Variants in SLC8A1 observed in about 807,000 individuals in gnomAD.
SLC8A1 encodes the protein sodium/calcium exchanger 1.
Under a neutral mutation model 68.3 loss-of-function variants are expected in SLC8A1, and 18 were observed. The observed-to-expected ratio is 0.26, with a 90% CI of 0.18 to 0.39. The LOEUF (loss-of-function observed/expected upper bound fraction) is 0.39. Ranked by LOEUF, SLC8A1 falls within the 10% of genes least tolerant of loss-of-function variation. The probability of loss-of-function intolerance (pLI) is 1.00; values close to 1 mark genes in which losing one functional copy is unlikely to be tolerated. For synonymous variants in SLC8A1, 475 were observed against 415.5 expected (o/e 1.14, Z -1.74); for missense variants, 985 against 1,156.7 (o/e 0.85, Z 2.15).
Position 40,196,785 on chromosome 2 carries a change from G to T in SLC8A1, c.1809-18930C>A, listed in dbSNP as rs115755775. Reference sequence around the variant, plus strand: ...CATGAAATTTACACTTTTCCATGACGCTTTCTTAGATTGATCAGGTGTCAT... The same window carrying T: ...CATGAAATTTACACTTTTCCATGACTCTTTCTTAGATTGATCAGGTGTCAT... On this transcript the variant is annotated intron_variant, in intron 2 of 7. Transcript: ENST00000406785. Among the ~76,000 whole-genome samples the T allele has an allele frequency of 8.9e-3, 1,356 of 151,952 alleles. 6 individuals are homozygous for T. The highest frequency in any genetic ancestry group is 0.013 in the South Asian group (64 of 4,802).
intron 2 of SLC8A1, among the ~76,000 whole-genome samples, chr2:40,275,846 G>T (rs981110829): frequency 6.6e-6 from 1 of 152,154 alleles, no homozygotes; most frequent in African/African-American, 2.4e-5. Flanking sequence ...GATGGATGTT[G>T]TTGGTGAAGT....
chr2:40,210,704 A>C (rs1037322704), intron 2 of SLC8A1, among the ~76,000 whole-genome samples: 3 of 152,158 alleles, frequency 2.0e-5, no homozygotes, highest in African/African-American at 7.2e-5. Flanking sequence ...AATGCTGAGT[A>C]ATTGAAGCAC....
At position 40,388,042 on chromosome 2, in the gene SLC8A1, T is replaced by A. The variant is rs566892897; in HGVS notation, c.1808+40431A>T. 2.0e-5 allele frequency among the ~76,000 whole-genome samples: 3 copies of A among 151,736 alleles called. No individual in the cohort carries two copies. In the East Asian group the frequency reaches 5.9e-4, roughly 30 times the overall value. On this transcript the variant is annotated intron_variant, in intron 2 of 7. Transcript: ENST00000406785. ...AGCTACTTTGTATCTCAAATTGGCA[T>A]CTCTAAATTGTGACTGAAAAGTATA...
chr2:40,414,418 T>C (rs1318401384), intron 2 of SLC8A1, among the ~76,000 whole-genome samples: 3 of 152,190 alleles, frequency 2.0e-5, no homozygotes, highest in South Asian at 2.1e-4. Flanking sequence ...CAGTACACAG[T>C]GTTATTTGTA....
intron 1 of SLC8A1, among the ~76,000 whole-genome samples, chr2:40,458,037 G>A (rs140886836): frequency 6.6e-6 from 1 of 152,292 alleles, no homozygotes; most frequent in African/African-American, 2.4e-5. Context: ...TCTGGGCACT[G>A]TTTTGTTTTG....
intron 2 of SLC8A1, among the ~76,000 whole-genome samples, chr2:40,222,616 C>G (rs1229150100): frequency 6.6e-6 from 1 of 152,150 alleles, no homozygotes; most frequent in Non-Finnish European, 1.5e-5. Context: ...TAACTGCAAT[C>G]TATCCATCTG....
chr2:40,278,704 G>A (rs982566034), intron 2 of SLC8A1, among the ~76,000 whole-genome samples: 11 of 152,038 alleles, frequency 7.2e-5, no homozygotes, highest in Admixed American at 5.2e-4. Flanking sequence ...GATGGGGTAC[G>A]TGGACTTAGG....
chr2:40,296,365 C>G (rs2070383812), intron 2 of SLC8A1, among the ~76,000 whole-genome samples: 1 of 152,094 alleles, frequency 6.6e-6, no homozygotes, highest in Admixed American at 6.5e-5. Context: ...ATAAGGGATT[C>G]ATTATTTAAT....
At chr2:40,489,940 A>T (rs1705208022) in intron 1 of SLC8A1, among the ~76,000 whole-genome samples, 1 of 152,128 alleles carries the variant, frequency 6.6e-6, no homozygotes, top group African/African-American at 2.4e-5. Context: ...ATATGAAGAC[A>T]GGCAGCCCCC....
At chr2:40,260,029 G>T (rs752909494) in intron 2 of SLC8A1, among the ~76,000 whole-genome samples, 4 of 152,156 alleles carry the variant, frequency 2.6e-5, no homozygotes, top group Non-Finnish European at 5.9e-5. Flanking sequence ...CTGATTACAA[G>T]TACAGTGTGA....
intron 1 of SLC8A1, among the ~76,000 whole-genome samples, chr2:40,475,603 TATGTAC>T (rs1417146754): frequency 1.3e-5 from 2 of 152,070 alleles, no homozygotes; most frequent in African/African-American, 2.4e-5. Flanking sequence ...GTACATGACA[TATGTAC>T]ATGTACATAT....
At chr2:40,460,297 C>A (rs7597373) in intron 1 of SLC8A1, among the ~76,000 whole-genome samples, 50,086 of 152,004 alleles carry the variant, frequency 0.33, 8,318 homozygotes, top group Middle Eastern at 0.42. Flanking sequence ...AAAATTATTC[C>A]ACACAGCAAA....
chr2:40,507,521 C>G (rs1168478309), intron 1 of SLC8A1, among the ~76,000 whole-genome samples: 3 of 151,986 alleles, frequency 2.0e-5, no homozygotes, highest in Non-Finnish European at 4.4e-5. Context: ...TGCTCTTACT[C>G]CTTGCCATAA....
At position 40,236,603 on chromosome 2, in the gene SLC8A1, T is replaced by A. The variant is rs924307291; in HGVS notation, c.1809-58748A>T. 1.1e-4 allele frequency among the ~76,000 whole-genome samples: 17 copies of A among 150,840 alleles called. No homozygotes were observed. In the South Asian group the frequency reaches 2.3e-3, roughly 20 times the overall value. ...TTGGAGCATTTAGTCCATTTACATT[T>A]AAAGTTAATATTGTTATGTGTGAAT... On this transcript the variant is annotated intron_variant, in intron 2 of 7. Transcript: ENST00000406785.
At chr2:40,502,587 A>T (rs1306908759) in intron 1 of SLC8A1, among the ~76,000 whole-genome samples, 2 of 152,096 alleles carry the variant, frequency 1.3e-5, no homozygotes, top group Admixed American at 6.6e-5. Flanking sequence ...ATTGCATTTT[A>T]AAAATATTTT....
rs930532536 is a variant in SLC8A1, at chr2:40,164,243, T to G, written c.2061+611A>C. Reference sequence around the variant, plus strand: ...CCATCCCCAGGCCCACACATTCAACTTCTGCAAAAATGACTTTTATCATCT... The same window carrying G: ...CCATCCCCAGGCCCACACATTCAACGTCTGCAAAAATGACTTTTATCATCT... On this transcript the variant is annotated intron_variant, in intron 5 of 7. Coordinates refer to ENST00000406785, the Ensembl canonical transcript of SLC8A1. 3.9e-5 allele frequency among the ~76,000 whole-genome samples: 6 copies of G among 152,306 alleles called. No homozygotes were observed. The South Asian group carries it at 1.2e-3, about 32-fold the overall frequency.
chr2:40,170,614 G>A (rs2047303355), intron 4 of SLC8A1, among the ~76,000 whole-genome samples: 1 of 152,176 alleles, frequency 6.6e-6, no homozygotes, highest in African/African-American at 2.4e-5. Context: ...CAAGCCCCAT[G>A]GTAGTGAGTA....
At chr2:40,435,126 G>A (rs1699137705) in intron 1 of SLC8A1, among the ~76,000 whole-genome samples, 2 of 152,186 alleles carry the variant, frequency 1.3e-5, no homozygotes, top group East Asian at 1.9e-4. Context: ...TGGCAGCTGG[G>A]GTTATTCCAA....
intron 4 of SLC8A1, among the ~76,000 whole-genome samples, chr2:40,174,000 C>T (rs2048012338): frequency 6.6e-6 from 1 of 152,100 alleles, no homozygotes; most frequent in African/African-American, 2.4e-5. Context: ...TCAACACAGG[C>T]TGAGTACCAT....
Sources: allele counts gnomAD v4.1 joint callset (sites outside exome capture counted in the v4.1 genomes callset), GRCh38; gene constraint gnomAD v4.1.1; transcripts MANE v1.5; gene names NCBI Gene and HGNC (gene_info 2026-07-23, HGNC 2026-07-21).